The following MAPKBP1 variants were observed in gnomAD, a reference collection of about 807,000 sequenced individuals.
MAPKBP1 encodes the protein mitogen-activated protein kinase-binding protein 1.
MAPKBP1 carries 71 observed loss-of-function variants against 170.5 expected under a neutral mutation model. That is an observed-to-expected ratio of 0.42 (90% CI 0.34 to 0.51). The LOEUF is 0.51. Ranked by LOEUF, MAPKBP1 falls within the 20% of genes least tolerant of loss-of-function variation. MAPKBP1 has a pLI of 0.06. For synonymous variants in MAPKBP1, 719 were observed against 757.9 expected, an observed-to-expected ratio of 0.95 and a Z score of 0.84; for missense variants, 1,598 against 1,933.0, an observed-to-expected ratio of 0.83 and a Z score of 3.25.
intron 2 of MAPKBP1, among the ~76,000 whole-genome samples, chr15:41,775,865 G>T (rs545201626): frequency 1.3e-5 from 2 of 151,860 alleles, no homozygotes; most frequent in South Asian, 4.1e-4. Flanking sequence ...TCTTGCCTAC[G>T]GTGAAAACAA....
chr15:41,823,110 G>A lies in MAPKBP1; in HGVS notation c.3486G>A (p.Leu1162=). 6.2e-7 allele frequency: 1 copy of A among 1,613,730 alleles called. No homozygotes were observed. The highest frequency in any genetic ancestry group is 1.7e-5 in the Admixed American group (1 of 60,024). The stretch of plus-strand genomic sequence containing the variant: ...CCCAGCAGGCAGCCTCTGTGCTGTT[G>A]CCACGATGCCGTCTCAACCCTGACA... ...PSPQQAASVL[L]PRCRLNPDSS... Residue 1162 remains leucine (L), a synonymous_variant, in exon 28 of 31, where the codon TTG becomes TTA. Coordinates refer to ENST00000457542, the MANE Select transcript of MAPKBP1 (RefSeq NM_014994.3).
At chr15:41,816,271 A>G (rs906898656) in intron 12 of MAPKBP1, 50 of 444,008 alleles carry the variant, frequency 1.1e-4, no homozygotes, top group Non-Finnish European at 4.5e-5. Flanking sequence ...GTCAAGAAAA[A>G]GGACATAGTA....
chr15:41,802,175 AAAGGCACACCTGTAT>A (rs2064606598), intron 3 of MAPKBP1, among the ~76,000 whole-genome samples: 1 of 152,242 alleles, frequency 6.6e-6, no homozygotes, highest in Admixed American at 6.5e-5. Context: ...TATATTTTAA[AAAGGCACACCTGTAT>A]AAGGCACTTA....
chr15:41,811,724 T>A (rs1208918057), intron 5 of MAPKBP1: 1 of 681,234 alleles, frequency 1.5e-6, no homozygotes, highest in African/African-American at 1.8e-5. Context: ...CAACCTGAAG[T>A]ACAGACGGCC....
intron 10 of MAPKBP1, 90 bp downstream of exon 10, chr15:41,814,829 T>A: frequency 6.8e-7 from 1 of 1,463,846 alleles, no homozygotes; most frequent in Non-Finnish European, 9.4e-7. Flanking sequence ...AAGTATAATC[T>A]TAGATTCCTG....
intron 2 of MAPKBP1, among the ~76,000 whole-genome samples, chr15:41,779,111 G>T (rs950662514): frequency 6.6e-6 from 1 of 152,180 alleles, no homozygotes; most frequent in Non-Finnish European, 1.5e-5. Flanking sequence ...ACTCTAAGAA[G>T]AGTTTGGTTG....
At chr15:41,777,844 A>G (rs1025200990) in intron 2 of MAPKBP1, among the ~76,000 whole-genome samples, 3 of 152,244 alleles carry the variant, frequency 2.0e-5, no homozygotes, top group Non-Finnish European at 4.4e-5. Flanking sequence ...TTTGAAGACA[A>G]AAAGGTACAT....
Position 41,819,599 on chromosome 15 carries a change from G to C in MAPKBP1, c.2430G>C (p.Ser810=), listed in dbSNP as rs760994582. ...LAKSTKKALA[S]VPSPALPRSL... Reference sequence around the variant, plus strand: ...TGACTGCCTGTTTCTGTCTAGCCTCGGTCCCCAGCCCAGCTTTGCCCCGAA... The same window carrying C: ...TGACTGCCTGTTTCTGTCTAGCCTCCGTCCCCAGCCCAGCTTTGCCCCGAA... Residue 810 remains serine, a synonymous_variant, in exon 22 of 31, where the codon TCG becomes TCC. Transcript: ENST00000457542. 1 of 1,610,454 alleles carries C rather than the reference G, an allele frequency of 6.2e-7. No individual in the cohort carries two copies. The highest frequency in any genetic ancestry group is 1.7e-5 in the Admixed American group (1 of 59,754).
In MAPKBP1 at chr15:41,775,237, G is replaced by C. The variant is rs1256243179; in HGVS notation, c.-39G>C. The C allele has an allele frequency of 7.1e-6, 11 of 1,540,250 alleles. No individual in the cohort carries two copies. Among genetic ancestry groups the C allele is most frequent in the Non-Finnish European group, 9.0e-6 (10 of 1,113,606 alleles). On this transcript the variant is annotated 5_prime_UTR_variant, in exon 2 of 31. Transcript: ENST00000457542. ...GTGCCGCTGTTGAGACAAGACCCAG[G>C]ACTGGGCCGGGGACTGTCCCAAAGG...
rs1434475650 is a variant in MAPKBP1 at position 41,824,576 on chromosome 15, G to A, written c.4299+7G>A. 2 of 1,586,986 alleles carry A rather than the reference G, an allele frequency of 1.3e-6. No homozygotes were observed. Among genetic ancestry groups the A allele is most frequent in the South Asian group, 1.1e-5 (1 of 87,648 alleles). ...AGTGCGGCTCTACCACTCGGTGGGT[G>A]TTAGGTGCCCCCCGGCAGGAAGGCG... On this transcript the variant is annotated splice_region_variant and intron_variant, in intron 30 of 30. Coordinates refer to ENST00000457542, the MANE Select transcript of MAPKBP1 (RefSeq NM_014994.3).
chr15:41,814,431 A>C, intron 9 of MAPKBP1, 119 bp from the exon 10 acceptor site: 1 of 972,236 alleles, frequency 1.0e-6, no homozygotes, highest in Non-Finnish European at 1.5e-6. Context: ...CTCTCAAGCA[A>C]CTACTTCCAA....
intron 2 of MAPKBP1, among the ~76,000 whole-genome samples, chr15:41,796,892 C>T (rs2064500460): frequency 6.6e-6 from 1 of 152,084 alleles, no homozygotes; most frequent in African/African-American, 2.4e-5. Flanking sequence ...TAAAGTGGGC[C>T]ATGACCAGAA....
At chr15:41,822,701 G>A in intron 27 of MAPKBP1, 24 bp downstream of exon 27, 1 of 1,612,960 alleles carries the variant, frequency 6.2e-7, no homozygotes, top group Non-Finnish European at 8.5e-7. Flanking sequence ...CTACCCCCCA[G>A]CAGCAGCTCT....
intron 2 of MAPKBP1, among the ~76,000 whole-genome samples, chr15:41,798,483 A>C (rs1479936721): frequency 6.6e-6 from 1 of 151,866 alleles, no homozygotes; most frequent in Non-Finnish European, 1.5e-5. Flanking sequence ...AGGTTTCACT[A>C]TGTTGGCCAG....
intron 2 of MAPKBP1, among the ~76,000 whole-genome samples, chr15:41,777,650 C>T (rs1277077133): frequency 2.0e-5 from 3 of 152,144 alleles, no homozygotes; most frequent in African/African-American, 7.2e-5. Flanking sequence ...GCGCCCAGGA[C>T]CCTAGAGATG....
chr15:41,817,881 G>A lies in MAPKBP1; in HGVS notation c.1905-128G>A. 1 of 1,534,558 alleles carries A rather than the reference G, an allele frequency of 6.5e-7. No individual in the cohort carries two copies. On this transcript the variant is annotated intron_variant, in intron 16 of 30. Coordinates refer to ENST00000457542, the MANE Select transcript of MAPKBP1 (RefSeq NM_014994.3). The surrounding 1 kb of genome is among the most constrained non-coding windows in gnomAD (Gnocchi z 4.2). Reference sequence around the variant, plus strand: ...AGTACTTTGCTTCACCCAAGAGGTGGTAGCCTGTTTGCTGCTGGGGGTAGC... The same window carrying A: ...AGTACTTTGCTTCACCCAAGAGGTGATAGCCTGTTTGCTGCTGGGGGTAGC...
chr15:41,810,963 C>A lies in MAPKBP1; in HGVS notation c.269+18C>A. 6.2e-7 allele frequency: 1 copy of A among 1,613,958 alleles called. No individual in the cohort carries two copies. Among genetic ancestry groups the A allele is most frequent in the Non-Finnish European group, 8.5e-7 (1 of 1,179,814 alleles). ...AGTTCCAGGTAAATGGGCTGGGGTC[C>A]TCAGGATACCTCTTCCTTCTGGGAG... is the stretch of plus-strand genomic sequence containing the variant. On this transcript the variant is annotated intron_variant, in intron 4 of 30. Coordinates refer to ENST00000457542, the MANE Select transcript of MAPKBP1 (RefSeq NM_014994.3).
At chr15:41,811,394 G>A in intron 5 of MAPKBP1, 159 bp downstream of exon 5, 1 of 773,086 alleles carries the variant, frequency 1.3e-6, no homozygotes, top group Non-Finnish European at 2.2e-6. Context: ...AAGCTTTAGT[G>A]TACATCAGAA....
rs1321499216 is a variant in MAPKBP1, at chr15:41,813,336, G to C, written c.819+235G>C. The C allele has an allele frequency of 3.9e-6, 6 of 1,528,190 alleles. No homozygotes were observed. In the East Asian group the frequency reaches 1.3e-4, roughly 34 times the overall value. The allele number at this position is 1,528,190 out of a possible 1,614,324, so 94.7% of individuals were successfully genotyped here. ...GCTTTCCTCTTCCGCTCAGAACATAGACAGCTTCACAGTAAGTGGTGCCTG... is the reference window on the plus strand; with the variant it reads ...GCTTTCCTCTTCCGCTCAGAACATACACAGCTTCACAGTAAGTGGTGCCTG... On this transcript the variant is annotated intron_variant, in intron 8 of 30. Transcript: ENST00000457542.
Sources: allele counts gnomAD v4.1 joint callset (sites outside exome capture counted in the v4.1 genomes callset), GRCh38; gene constraint gnomAD v4.1.1; non-coding constraint Gnocchi (gnomAD v3.1); transcripts MANE v1.5; gene names NCBI Gene and HGNC (gene_info 2026-07-23, HGNC 2026-07-21).